Variants in SOX5 observed in about 807,000 individuals in gnomAD.
The protein encoded by SOX5 is transcription factor SOX-5.
In SOX5, 9 loss-of-function variants were observed where a neutral mutation model predicts 92.0. The observed-to-expected ratio is 0.10, with a 90% CI of 0.06 to 0.17. The LOEUF (loss-of-function observed/expected upper bound fraction) is 0.17, where lower values mean the gene tolerates loss of function less well. Among genes scored for constraint, SOX5 ranks in the 10% least tolerant of loss-of-function variants. The probability of loss-of-function intolerance (pLI) is 1.00; values close to 1 mark genes in which losing one functional copy is unlikely to be tolerated. For missense variants in SOX5, 642 were observed against 944.5 expected (o/e 0.68, Z 4.20); for synonymous variants, 344 against 336.3 (o/e 1.02, Z -0.25).
At chr12:23,868,300 A>G (rs557191861) in intron 2 of SOX5, among the ~76,000 whole-genome samples, 7 of 152,112 alleles carry the variant, frequency 4.6e-5, no homozygotes, top group African/African-American at 1.7e-4. Context: ...TGATTACTCC[A>G]ACATGCTTAA....
intron 3 of SOX5, among the ~76,000 whole-genome samples, chr12:23,838,931 C>T (rs1221393236): frequency 1.3e-5 from 2 of 151,486 alleles, no homozygotes; most frequent in African/African-American, 2.4e-5. Context: ...CCTCCACCTC[C>T]GGGGTTCAAG....
At chr12:24,021,782 G>A (rs1341789870) in intron 4 of SOX5, among the ~76,000 whole-genome samples, 1 of 152,078 alleles carries the variant, frequency 6.6e-6, no homozygotes, top group Non-Finnish European at 1.5e-5. Context: ...ATCAGAATTC[G>A]TATCATCCAA....
chr12:23,589,171 C>T (rs2137076225), intron 9 of SOX5, among the ~76,000 whole-genome samples: 1 of 151,990 alleles, frequency 6.6e-6, no homozygotes, highest in East Asian at 1.9e-4. Flanking sequence ...GGAAGTTTCT[C>T]TGCCATTTTT....
rs766819792 is a variant in SOX5, at chr12:23,949,602, G to T, written c.-1C>A. ...GAGGTAAATCAGGGTCAGTAAGCAT[G>T]CTGGAAAAGCACAATTTCCCTTTGT... On this transcript the variant is annotated 5_prime_UTR_variant, in exon 1 of 15. Transcript: ENST00000451604. 7 of 1,613,346 alleles carry T rather than the reference G, an allele frequency of 4.3e-6. No homozygotes were observed. Among genetic ancestry groups the T allele is most frequent in the African/African-American group, 4.0e-5 (3 of 74,896 alleles).
intron 4 of SOX5, among the ~76,000 whole-genome samples, chr12:24,076,606 A>T (rs149937582): frequency 6.6e-6 from 1 of 152,256 alleles, no homozygotes; most frequent in Non-Finnish European, 1.5e-5. Context: ...CCATGTGAAA[A>T]AGTCTAAAGT....
chr12:24,114,011 A>G lies in SOX5; in HGVS notation c.-2+99332T>C, dbSNP rs539729911. Among the ~76,000 whole-genome samples the G allele has an allele frequency of 1.6e-4, 24 of 152,324 alleles. 1 individual carries two copies. The East Asian group carries it at 4.4e-3, about 28-fold the overall frequency. The stretch of plus-strand genomic sequence containing the variant: ...TTAATGAAATTGGCAGTCCTCCAAT[A>G]AAAGACCTCTCTATTTTGAAGGACT... On this transcript the variant is annotated intron_variant, in intron 4 of 4. Coordinates refer to the SOX5 transcript ENST00000446891.
At chr12:23,714,018 G>C (rs2140416530) in intron 6 of SOX5, among the ~76,000 whole-genome samples, 1 of 151,078 alleles carries the variant, frequency 6.6e-6, no homozygotes, top group East Asian at 1.9e-4. Flanking sequence ...CTTGAACCTA[G>C]GGGGCAGAGG....
At chr12:23,604,297 T>C (rs2074958869) in intron 9 of SOX5, 90 bp downstream of exon 9, 1 of 1,414,854 alleles carries the variant, frequency 7.1e-7, no homozygotes, top group Non-Finnish European at 9.9e-7. Flanking sequence ...GAGTTTAAGC[T>C]AGCTGCTGGC....
chr12:24,528,641 C>T (rs991175604), intron 1 of SOX5, among the ~76,000 whole-genome samples: 10 of 152,182 alleles, frequency 6.6e-5, no homozygotes, highest in African/African-American at 2.2e-4. Flanking sequence ...GCCCATATTG[C>T]GAGAGCGCAG....
intron 1 of SOX5, among the ~76,000 whole-genome samples, chr12:24,386,280 T>C (rs1015215984): frequency 6.6e-6 from 1 of 152,186 alleles, no homozygotes; most frequent in Non-Finnish European, 1.5e-5. Context: ...TGCCTGCTAC[T>C]TTACAATCAT....
intron 1 of SOX5, among the ~76,000 whole-genome samples, chr12:24,415,815 A>C (rs141719028): frequency 4.9e-4 from 75 of 152,350 alleles, no homozygotes; most frequent in African/African-American, 1.7e-3. Flanking sequence ...AAGTCATTAA[A>C]ACTTGCTAAT....
intron 2 of SOX5, among the ~76,000 whole-genome samples, chr12:24,345,917 G>C (rs1421990379): frequency 3.3e-5 from 5 of 152,148 alleles, no homozygotes; most frequent in Non-Finnish European, 4.4e-5. Context: ...TTGCTCTCTA[G>C]GTACACCTTT....
chr12:24,222,065 C>T (rs1960592299), intron 3 of SOX5, among the ~76,000 whole-genome samples: 2 of 152,140 alleles, frequency 1.3e-5, no homozygotes, highest in Admixed American at 1.3e-4. Context: ...GAGGTTTGAG[C>T]ATAAGTGGAA....
chr12:23,592,030 A>G (rs2137146284), intron 9 of SOX5, among the ~76,000 whole-genome samples: 1 of 152,300 alleles, frequency 6.6e-6, no homozygotes, highest in Non-Finnish European at 1.5e-5. Context: ...AGTAAAAAAA[A>G]ATAAGATTCC....
intron 1 of SOX5, among the ~76,000 whole-genome samples, chr12:23,941,563 T>C (rs1943645170): frequency 6.6e-6 from 1 of 151,678 alleles, no homozygotes; most frequent in Non-Finnish European, 1.5e-5. Context: ...CTCTCAGGAA[T>C]AGCATTCATA....
chr12:24,490,514 G>C (rs1163001590), intron 1 of SOX5, among the ~76,000 whole-genome samples: 2 of 152,080 alleles, frequency 1.3e-5, no homozygotes, highest in African/African-American at 4.8e-5. Context: ...TTTTGAAACA[G>C]GTATGAAACC....
intron 4 of SOX5, among the ~76,000 whole-genome samples, chr12:24,200,970 G>C (rs1421762276): frequency 2.0e-5 from 3 of 152,100 alleles, no homozygotes; most frequent in Middle Eastern, 3.2e-3. Flanking sequence ...TCCTCCACTG[G>C]TACCAGACCT....
chr12:23,834,904 A>T (rs117290393), intron 3 of SOX5, among the ~76,000 whole-genome samples: 2 of 151,944 alleles, frequency 1.3e-5, no homozygotes, highest in Non-Finnish European at 2.9e-5. Context: ...TGACAAAGAC[A>T]TGAATATAGA....
chr12:23,784,096 GCAATATTATGATGACGAGAA>G (rs2095333804), intron 3 of SOX5, among the ~76,000 whole-genome samples: 1 of 152,058 alleles, frequency 6.6e-6, no homozygotes, highest in African/African-American at 2.4e-5. Flanking sequence ...TATATTTAAT[GCAATATTATGATGACGAGAA>G]AGGAAAAAAA....
Sources: gnomAD v4.1 joint callset for allele counts (sites outside exome capture counted in the v4.1 genomes callset) on GRCh38, gnomAD v4.1.1 for gene constraint, MANE v1.5 for transcripts, NCBI Gene and HGNC (gene_info 2026-07-23, HGNC 2026-07-21) for gene names.